The following CCDC12 variants were observed in gnomAD, a reference collection of about 807,000 sequenced individuals.
CCDC12 encodes the protein coiled-coil domain containing 12.
In CCDC12, 28 loss-of-function variants were observed where a neutral mutation model predicts 25.7. The ratio of observed to expected loss-of-function variants is 1.09; its 90% CI spans 0.81 to 1.50. The LOEUF (loss-of-function observed/expected upper bound fraction) is 1.50, where lower values mean the gene tolerates loss of function less well. Among genes scored for constraint, CCDC12 ranks in the 40% most tolerant of loss-of-function variants. The probability of loss-of-function intolerance (pLI) is 0.00; values close to 1 mark genes in which losing one functional copy is unlikely to be tolerated. For missense variants in CCDC12, 198 were observed against 210.0 expected (o/e 0.94, Z 0.35); for synonymous variants, 75 against 87.7 (o/e 0.86, Z 0.81).
intron 1 of CCDC12, among the ~76,000 whole-genome samples, chr3:46,974,265 C>G (rs1319856158): frequency 6.6e-6 from 1 of 152,166 alleles, no homozygotes; most frequent in African/African-American, 2.4e-5. Flanking sequence ...TTGAATTATA[C>G]ATTTAAAATG....
chr3:46,972,321 T>A (rs562545089), intron 1 of CCDC12, among the ~76,000 whole-genome samples: 3 of 151,942 alleles, frequency 2.0e-5, no homozygotes, highest in South Asian at 2.1e-4. Context: ...AATTAATTTT[T>A]AAAAAAATGA....
intron 1 of CCDC12, among the ~76,000 whole-genome samples, chr3:46,963,627 C>T (rs1163128145): frequency 1.3e-5 from 2 of 152,106 alleles, no homozygotes; most frequent in South Asian, 2.1e-4. Context: ...GACTGGTTTT[C>T]GTATTTTTTT....
chr3:46,962,717 T>C (rs1003157985), intron 1 of CCDC12, among the ~76,000 whole-genome samples: 5 of 152,112 alleles, frequency 3.3e-5, no homozygotes, highest in Non-Finnish European at 5.9e-5. Context: ...CTGGCTAACA[T>C]GAAAAAAACT....
intron 2 of CCDC12, among the ~76,000 whole-genome samples, chr3:46,929,007 A>G (rs1211647839): frequency 6.6e-6 from 1 of 152,184 alleles, no homozygotes; most frequent in Non-Finnish European, 1.5e-5. Flanking sequence ...AAGCAGGGGG[A>G]AAAGAGAATT....
chr3:46,943,898 G>C (rs1056790409), intron 1 of CCDC12, among the ~76,000 whole-genome samples: 6 of 152,202 alleles, frequency 3.9e-5, no homozygotes, highest in African/African-American at 1.4e-4. Context: ...CAAATGAACA[G>C]GCCACACAAG....
chr3:46,974,167 C>T (rs867491820), intron 1 of CCDC12, among the ~76,000 whole-genome samples: 2 of 152,100 alleles, frequency 1.3e-5, no homozygotes, highest in African/African-American at 2.4e-5. Context: ...GGAAGTAGAA[C>T]AGTGATTGCC....
chr3:46,946,914 C>T (rs2033930498), intron 1 of CCDC12, among the ~76,000 whole-genome samples: 1 of 152,184 alleles, frequency 6.6e-6, no homozygotes, highest in Non-Finnish European at 1.5e-5. Flanking sequence ...GAGCTGCTGA[C>T]TAGAGCTCTC....
At chr3:46,951,798 A>AAAAAATATATATAT in intron 1 of CCDC12, among the ~76,000 whole-genome samples, 2 of 8,476 alleles carry the variant, frequency 2.4e-4, no homozygotes, top group Non-Finnish European at 5.6e-4. Flanking sequence ...AAAAAAAAAA[A>AAAAAATATATATAT]ATATATATAT....
chr3:46,931,349 G>C (rs1446799234), intron 2 of CCDC12, among the ~76,000 whole-genome samples: 2 of 152,214 alleles, frequency 1.3e-5, no homozygotes, highest in African/African-American at 4.8e-5. Flanking sequence ...AGCAGGTGGA[G>C]AAAGTTGATG....
At chr3:46,959,908 T>C (rs1368680241) in intron 1 of CCDC12, among the ~76,000 whole-genome samples, 4 of 152,228 alleles carry the variant, frequency 2.6e-5, no homozygotes, top group Non-Finnish European at 4.4e-5. Flanking sequence ...TCAGGCTCTG[T>C]CTTGTGAGTT....
intron 1 of CCDC12, 33 bp from the exon 2 acceptor site, chr3:46,941,098 T>C: frequency 4.4e-6 from 7 of 1,607,624 alleles, no homozygotes; most frequent in Non-Finnish European, 6.0e-6. Context: ...ACCAGCTCAG[T>C]TGAAAGCTCC....
intron 5 of CCDC12, 103 bp from the exon 6 acceptor site, chr3:46,922,415 G>C (rs1302577470): frequency 1.5e-6 from 2 of 1,290,742 alleles, no homozygotes; most frequent in Admixed American, 1.7e-5. Context: ...AGTCATGCTC[G>C]GTTGCTGGAG....
In CCDC12 at chr3:46,962,686, TGCC is replaced by T. The variant is rs539042431; in HGVS notation, c.96+13948_96+13950del. On this transcript the variant is annotated intron_variant, in intron 1 of 6. Coordinates refer to ENST00000683445, the MANE Select transcript of CCDC12 (RefSeq NM_001277074.2). Reference sequence around the variant, plus strand: ...AATACAAATTTAAACCACAAAAGGATGCCACTATACCTCCACCAGCCTGGCTAA... The same window carrying T: ...AATACAAATTTAAACCACAAAAGGATACTATACCTCCACCAGCCTGGCTAA... Among the ~76,000 whole-genome samples, 4 of 152,144 alleles carry T rather than the reference TGCC, an allele frequency of 2.6e-5. No homozygotes were observed. In the South Asian group the frequency reaches 6.2e-4, roughly 24 times the overall value.
intron 2 of CCDC12, chr3:46,940,791 G>C (rs971137624): frequency 1.5e-5 from 9 of 593,836 alleles, no homozygotes; most frequent in African/African-American, 1.5e-4. Flanking sequence ...ACAGCCAAAT[G>C]GAAAATGAGG....
chr3:46,969,105 G>A lies in CCDC12; in HGVS notation c.96+7532C>T, dbSNP rs911998041. ...ACTTCTTGAGACATGATCAGGACAC[G>A]GACAAGTCTGACTCCTCACCCAGCA... On this transcript the variant is annotated intron_variant, in intron 1 of 6. Coordinates refer to ENST00000683445, the MANE Select transcript of CCDC12 (RefSeq NM_001277074.2). Among the ~76,000 whole-genome samples the A allele has an allele frequency of 3.3e-5, 5 of 152,054 alleles. No individual in the cohort carries two copies. The South Asian group carries it at 8.3e-4, about 25-fold the overall frequency.
chr3:46,946,751 G>C (rs1406988785), intron 1 of CCDC12, among the ~76,000 whole-genome samples: 1 of 152,230 alleles, frequency 6.6e-6, no homozygotes, highest in Non-Finnish European at 1.5e-5. Context: ...GCTGCTGTCT[G>C]TGTGTCTGTG....
intron 1 of CCDC12, among the ~76,000 whole-genome samples, chr3:46,951,798 A>AAAAAAAATATAT: frequency 4.7e-4 from 4 of 8,468 alleles, no homozygotes; most frequent in African/African-American, 9.8e-4. Flanking sequence ...AAAAAAAAAA[A>AAAAAAAATATAT]ATATATATAT....
chr3:46,959,257 G>C (rs1013456355), intron 1 of CCDC12, among the ~76,000 whole-genome samples: 3 of 152,172 alleles, frequency 2.0e-5, no homozygotes, highest in Non-Finnish European at 4.4e-5. Flanking sequence ...GGTTGAGAAA[G>C]CAGAACCACA....
intron 1 of CCDC12, among the ~76,000 whole-genome samples, chr3:46,959,362 C>T (rs1192627527): frequency 1.3e-5 from 2 of 152,186 alleles, no homozygotes; most frequent in African/African-American, 4.8e-5. Context: ...TGCTAGATGG[C>T]ATGACTTAAG....
Sources: gnomAD v4.1 joint callset for allele counts (sites outside exome capture counted in the v4.1 genomes callset) on GRCh38, gnomAD v4.1.1 for gene constraint, MANE v1.5 for transcripts, NCBI Gene and HGNC (gene_info 2026-07-23, HGNC 2026-07-21) for gene names.